Variants in URI1 observed in about 807,000 individuals in gnomAD.
The protein encoded by URI1 is unconventional prefoldin RPB5 interactor 1.
In URI1, 39 loss-of-function variants were observed where a neutral mutation model predicts 60.2. That is an observed-to-expected ratio of 0.65 (90% CI 0.50 to 0.85). The LOEUF is 0.85. URI1 is among the 40% of genes least tolerant of loss of function. The pLI is 0.00. For missense variants in URI1, 691 were observed against 665.9 expected, an observed-to-expected ratio of 1.04 and a Z score of -0.42; for synonymous variants, 251 against 236.8, an observed-to-expected ratio of 1.06 and a Z score of -0.55.
chr19:29,929,137 A>G (rs557274290), intron 1 of URI1, among the ~76,000 whole-genome samples: 1 of 152,302 alleles, frequency 6.6e-6, no homozygotes, highest in East Asian at 1.9e-4. Context: ...TCAGTTGGGT[A>G]ATGCCTGGGA....
At chr19:29,964,058 A>G (rs1340845736) in intron 1 of URI1, among the ~76,000 whole-genome samples, 3 of 152,108 alleles carry the variant, frequency 2.0e-5, no homozygotes, top group African/African-American at 7.2e-5. Context: ...GCCTTGTCAG[A>G]CTGCGCAAGT....
chr19:29,981,961 A>C (rs942599451), intron 2 of URI1, among the ~76,000 whole-genome samples: 2 of 152,138 alleles, frequency 1.3e-5, no homozygotes, highest in Non-Finnish European at 2.9e-5. Context: ...TAACTTTTGC[A>C]TTTTCTGTTG....
At chr19:29,940,221 C>T (rs1312862679), upstream of URI1, among the ~76,000 whole-genome samples, 2 of 151,740 alleles carry the variant, frequency 1.3e-5, no homozygotes, top group Admixed American at 6.6e-5. Flanking sequence ...GACCACAGAT[C>T]GCACTTCATT....
intron 2 of URI1, among the ~76,000 whole-genome samples, chr19:29,982,170 C>G (rs2055606984): frequency 6.6e-6 from 1 of 152,186 alleles, no homozygotes; most frequent in African/African-American, 2.4e-5. Flanking sequence ...TCTACATGGG[C>G]TGCATTTTAA....
At chr19:29,931,010 T>C (rs1444470628) in intron 1 of URI1, among the ~76,000 whole-genome samples, 1 of 152,170 alleles carries the variant, frequency 6.6e-6, no homozygotes, top group Admixed American at 6.5e-5. Flanking sequence ...CCTGGCTTCA[T>C]AGTATTTTGA....
chr19:29,960,447 A>T (rs916087311), intron 1 of URI1, among the ~76,000 whole-genome samples: 2 of 152,058 alleles, frequency 1.3e-5, no homozygotes, highest in Non-Finnish European at 2.9e-5. Flanking sequence ...TTTTACAGCT[A>T]TGTTATTCAT....
chr19:29,957,157 A>G (rs1403855215), intron 1 of URI1, among the ~76,000 whole-genome samples: 1 of 152,134 alleles, frequency 6.6e-6, no homozygotes, highest in Non-Finnish European at 1.5e-5. Context: ...ATGGATTCCA[A>G]GTTTCTGTTG....
At chr19:29,963,293 AT>A (rs1242106418) in intron 1 of URI1, among the ~76,000 whole-genome samples, 1 of 151,968 alleles carries the variant, frequency 6.6e-6, no homozygotes, top group Non-Finnish European at 1.5e-5. Context: ...TGTATTTTCC[AT>A]GTTTTATTTT....
In URI1 at chr19:29,983,335, T is replaced by G. The variant is rs1335590420; in HGVS notation, c.153-1888T>G. 3 of 152,296 alleles carry G rather than the reference T, an allele frequency of 2.0e-5. No homozygotes were observed. In the East Asian group the frequency reaches 5.8e-4, roughly 29 times the overall value. 9.4% of individuals were successfully genotyped at this position (152,296 alleles called of 1,614,324 possible). ...GTCTTCTGTAAGAGAAAAATACTGATAAGTGACATTTATTATAGGTTATGT... is the reference window on the plus strand; with the variant it reads ...GTCTTCTGTAAGAGAAAAATACTGAGAAGTGACATTTATTATAGGTTATGT... On this transcript the variant is annotated intron_variant, in intron 2 of 10. Coordinates refer to ENST00000392271, the MANE Select transcript of URI1 (RefSeq NM_003796.3).
chr19:29,977,942 G>C (rs538143816), intron 2 of URI1, among the ~76,000 whole-genome samples: 1 of 152,228 alleles, frequency 6.6e-6, no homozygotes, highest in South Asian at 2.1e-4. Context: ...AAGGAATAAA[G>C]ATAAATTTAC....
At chr19:30,004,145 GT>G (rs1372476042) in intron 4 of URI1, 2 of 152,010 alleles carry the variant, frequency 1.3e-5, no homozygotes, top group Admixed American at 1.3e-4. Flanking sequence ...AGGTCTAATT[GT>G]TGCAGAAATT....
chr19:29,932,504 A>T (rs1052287444), intron 1 of URI1, among the ~76,000 whole-genome samples: 3 of 151,224 alleles, frequency 2.0e-5, no homozygotes, highest in South Asian at 2.1e-4. Flanking sequence ...TTTAGTAGAG[A>T]TGGGGTTTCA....
chr19:29,968,279 A>C (rs2055413655), intron 1 of URI1, among the ~76,000 whole-genome samples: 1 of 152,148 alleles, frequency 6.6e-6, no homozygotes, highest in African/African-American at 2.4e-5. Context: ...GCAGGTTTAA[A>C]AAATAAACAA....
intron 1 of URI1, among the ~76,000 whole-genome samples, chr19:29,935,280 A>G (rs1346212078): frequency 1.3e-5 from 2 of 152,268 alleles, no homozygotes; most frequent in Admixed American, 1.3e-4. Context: ...AAGAGTATAC[A>G]AATACTTTGC....
At chr19:29,999,309 T>C (rs1434901254) in intron 4 of URI1, among the ~76,000 whole-genome samples, 3 of 152,152 alleles carry the variant, frequency 2.0e-5, no homozygotes, top group Non-Finnish European at 4.4e-5. Flanking sequence ...TGTCTTTTCA[T>C]TTCTACCCGA....
At chr19:29,989,859 T>A (rs1363453411) in intron 4 of URI1, among the ~76,000 whole-genome samples, 1 of 152,216 alleles carries the variant, frequency 6.6e-6, no homozygotes, top group Non-Finnish European at 1.5e-5. Context: ...TTTCATTCTC[T>A]TAACAGTGTC....
intron 1 of URI1, among the ~76,000 whole-genome samples, chr19:29,924,177 G>A (rs1349470918): frequency 3.9e-5 from 6 of 152,018 alleles, no homozygotes; most frequent in East Asian, 1.9e-4. Context: ...TTTTTTACTC[G>A]GTCTACTGAT....
At chr19:29,988,257 T>C (rs1028747392) in intron 4 of URI1, among the ~76,000 whole-genome samples, 1 of 152,192 alleles carries the variant, frequency 6.6e-6, no homozygotes, top group African/African-American at 2.4e-5. Context: ...ATTGTTGTAC[T>C]TCACATTTAT....
At position 29,974,223 on chromosome 19, in the gene URI1, G is replaced by A. The variant is rs118057528; in HGVS notation, c.152+2996G>A. On this transcript the variant is annotated intron_variant, in intron 2 of 10. Coordinates refer to ENST00000392271, the MANE Select transcript of URI1 (RefSeq NM_003796.3). ...GTGAAGATCAAATGAGATCATGTCTGTAGAACACCCTGCCCGGCACTCAAT... is the reference window on the plus strand; with the variant it reads ...GTGAAGATCAAATGAGATCATGTCTATAGAACACCCTGCCCGGCACTCAAT... 4.2e-3 allele frequency among the ~76,000 whole-genome samples: 634 copies of A among 152,058 alleles called. 9 individuals are homozygous for A. The East Asian group carries it at 0.064, about 15-fold the overall frequency.
Sources: gnomAD v4.1 joint callset for allele counts (sites outside exome capture counted in the v4.1 genomes callset) on GRCh38, gnomAD v4.1.1 for gene constraint, MANE v1.5 for transcripts, NCBI Gene and HGNC (gene_info 2026-07-23, HGNC 2026-07-21) for gene names.